Variants in PRRX2 observed in about 807,000 individuals in gnomAD.
PRRX2 encodes paired mesoderm homeobox protein 2.
Under a neutral mutation model 18.0 loss-of-function variants are expected in PRRX2, and 11 were observed. The ratio of observed to expected loss-of-function variants is 0.61; its 90% CI spans 0.39 to 1.01. The LOEUF (loss-of-function observed/expected upper bound fraction) is 1.01. Among genes scored for constraint, PRRX2 ranks in the 50% least tolerant of loss-of-function variants. The pLI is 0.01. For missense variants in PRRX2, 387 were observed against 351.0 expected (o/e 1.10, Z -0.82); for synonymous variants, 177 against 154.8 (o/e 1.14, Z -1.06).
intron 1 of PRRX2, among the ~76,000 whole-genome samples, chr9:129,688,279 GTCTTGAAC>G (rs1346893290): frequency 2.0e-5 from 3 of 151,992 alleles, no homozygotes; most frequent in African/African-American, 7.3e-5. Context: ...GCCCAAGCTG[GTCTTGAAC>G]TCTTGGACTC....
Position 129,681,774 on chromosome 9 carries a change from C to T in PRRX2, c.259+15648C>T, listed in dbSNP as rs1041868189. On this transcript the variant is annotated intron_variant, in intron 1 of 3. Transcript: ENST00000372469. ...GGCAGATGGTGTGGGATGGGAGCCC[C>T]GGTGTGGGGAGTGAACCCCATTCCA... Among the ~76,000 whole-genome samples the T allele has an allele frequency of 5.3e-5, 8 of 152,220 alleles. No homozygotes were observed. In the South Asian group the frequency reaches 1.0e-3, roughly 20 times the overall value.
At chr9:129,716,031 T>C (rs927416789) in intron 1 of PRRX2, among the ~76,000 whole-genome samples, 5 of 152,156 alleles carry the variant, frequency 3.3e-5, no homozygotes, top group African/African-American at 1.2e-4. Context: ...ATACAAGGTA[T>C]GGACTAAAAT....
intron 1 of PRRX2, among the ~76,000 whole-genome samples, chr9:129,686,380 T>C (rs1832298982): frequency 6.6e-6 from 1 of 152,234 alleles, no homozygotes; most frequent in Admixed American, 6.5e-5. Flanking sequence ...TTGGTCTTGC[T>C]GTGTCGCCCA....
At chr9:129,697,559 C>T (rs1299909069) in intron 1 of PRRX2, among the ~76,000 whole-genome samples, 3 of 151,388 alleles carry the variant, frequency 2.0e-5, no homozygotes, top group Admixed American at 6.6e-5. Flanking sequence ...CTGGCGCGCA[C>T]ATGGCCGGGC....
intron 1 of PRRX2, among the ~76,000 whole-genome samples, chr9:129,706,645 T>C (rs1009337381): frequency 6.6e-6 from 1 of 152,116 alleles, no homozygotes; most frequent in Admixed American, 6.6e-5. Context: ...GGAGGATCAC[T>C]TGAGCCTAGG....
intron 1 of PRRX2, among the ~76,000 whole-genome samples, chr9:129,700,000 G>T (rs1009968941): frequency 2.6e-5 from 4 of 152,192 alleles, no homozygotes; most frequent in Non-Finnish European, 4.4e-5. Context: ...TTGCCTCAAA[G>T]CTGCACAGCC....
chr9:129,677,709 A>C (rs1173142100), intron 1 of PRRX2, among the ~76,000 whole-genome samples: 2 of 152,254 alleles, frequency 1.3e-5, no homozygotes, highest in Non-Finnish European at 2.9e-5. Context: ...ATCATGTTTT[A>C]ATTGGAAGGC....
chr9:129,690,482 C>T (rs1832347742), intron 1 of PRRX2, among the ~76,000 whole-genome samples: 1 of 150,940 alleles, frequency 6.6e-6, no homozygotes, highest in South Asian at 2.1e-4. Flanking sequence ...ACATGACTAG[C>T]ACCATAAGTA....
chr9:129,676,728 G>A (rs1367689672), intron 1 of PRRX2, among the ~76,000 whole-genome samples: 1 of 152,216 alleles, frequency 6.6e-6, no homozygotes, highest in Non-Finnish European at 1.5e-5. Context: ...GGAAGCCAGA[G>A]GGGCCTCCAG....
rs151173947 is a variant in PRRX2, at chr9:129,701,415, C to G, written c.260-17816C>G. Among the ~76,000 whole-genome samples, 419 of 152,348 alleles carry G rather than the reference C, an allele frequency of 2.8e-3. 5 individuals are homozygous for G. Among genetic ancestry groups the G allele is most frequent in the Middle Eastern group, 0.014 (4 of 294 alleles). On this transcript the variant is annotated intron_variant, in intron 1 of 3. Coordinates refer to ENST00000372469, the MANE Select transcript of PRRX2 (RefSeq NM_016307.4). ...CTTTAGGTGTTGCTGTTCCCACTTA[C>G]AGTGGGGACACTGAGTCTCACAGAG...
At chr9:129,697,406 C>T (rs573158922) in intron 1 of PRRX2, among the ~76,000 whole-genome samples, 14 of 151,636 alleles carry the variant, frequency 9.2e-5, no homozygotes, top group African/African-American at 3.4e-4. Context: ...GCGGGCAGCG[C>T]GGGGCTGGGC....
chr9:129,719,009 G>A (rs1321054836), intron 1 of PRRX2, among the ~76,000 whole-genome samples: 1 of 152,152 alleles, frequency 6.6e-6, no homozygotes, highest in Admixed American at 6.5e-5. Flanking sequence ...TTATCTCCCC[G>A]GAGTCTAGCA....
At chr9:129,690,480 AGCACCATAAGTACG>A (rs1410662024) in intron 1 of PRRX2, among the ~76,000 whole-genome samples, 2 of 150,002 alleles carry the variant, frequency 1.3e-5, no homozygotes, top group Non-Finnish European at 3.0e-5. Context: ...AGACATGACT[AGCACCATAAGTACG>A]GTGCCAGCTC....
In PRRX2 at chr9:129,720,666, C is replaced by T. The variant is rs144448846; in HGVS notation, c.518C>T (p.Ser173Leu). Residue 173 changes from serine (S) to leucine (L), a missense_variant, in exon 3 of 4, where the codon TCG becomes TTG. Transcript: ENST00000372469. The part of the protein sequence containing the change: ...ERAMLASRSA[S>L]LLKSYSQEAA... ...GCCATGCTGGCCAGCCGCTCTGCCT[C>T]GCTGCTCAAGTCCTACAGCCAGGAG... 26 of 1,613,426 alleles carry T rather than the reference C, an allele frequency of 1.6e-5. No homozygotes were observed. The highest frequency in any genetic ancestry group is 3.3e-5 in the South Asian group (3 of 91,030).
intron 1 of PRRX2, among the ~76,000 whole-genome samples, chr9:129,680,708 G>A (rs115442230): frequency 0.017 from 2,621 of 151,892 alleles, 62 homozygotes; most frequent in African/African-American, 0.059. Flanking sequence ...CCCCCAGCCC[G>A]CACACAGGAC....
At chr9:129,719,477 G>C in intron 2 of PRRX2, 59 bp downstream of exon 2, 1 of 1,428,692 alleles carries the variant, frequency 7.0e-7, no homozygotes. Context: ...CACAGCCACT[G>C]TTCACCCGGG....
chr9:129,722,429 C>A lies in PRRX2; in HGVS notation c.*77C>A, dbSNP rs1832806335. 24 of 1,536,964 alleles carry A rather than the reference C, an allele frequency of 1.6e-5. No individual in the cohort carries two copies. Among genetic ancestry groups the A allele is most frequent in the African/African-American group, 5.5e-5 (4 of 72,686 alleles). ...AAGGGGGCAGACGCCCAGGAAGTGA[C>A]CTTCTCCTGGATGAGCTCTCCTGGC... On this transcript the variant is annotated 3_prime_UTR_variant, in exon 4 of 4. Transcript: ENST00000372469.
chr9:129,711,639 C>T (rs144419856), intron 1 of PRRX2, among the ~76,000 whole-genome samples: 2,172 of 152,144 alleles, frequency 0.014, 32 homozygotes, highest in Non-Finnish European at 0.019. Flanking sequence ...AAACTCCTGA[C>T]CTCAGGCATT....
rs1247156063 is a variant in PRRX2 at position 129,675,980 on chromosome 9, T to G, written c.259+9854T>G. Among the ~76,000 whole-genome samples, 1 of 152,192 alleles carries G rather than the reference T, an allele frequency of 6.6e-6. No homozygotes were observed. The highest frequency in any genetic ancestry group is 1.5e-5 in the Non-Finnish European group (1 of 68,030). ...CCTCTAATGCTCTCAAGATGGTGCC[T>G]CAGGCAGCTGGTCCAGCCAGTGGGC... On this transcript the variant is annotated intron_variant, in intron 1 of 3. Coordinates refer to ENST00000372469, the MANE Select transcript of PRRX2 (RefSeq NM_016307.4). The surrounding 1 kb of genome is among the most constrained non-coding windows in gnomAD (Gnocchi z 4.4).
Sources: allele counts gnomAD v4.1 joint callset (sites outside exome capture counted in the v4.1 genomes callset), GRCh38; gene constraint gnomAD v4.1.1; non-coding constraint Gnocchi (gnomAD v3.1); transcripts MANE v1.5; gene names NCBI Gene and HGNC (gene_info 2026-07-23, HGNC 2026-07-21).